Variants in UGT1A4 observed in about 807,000 individuals in gnomAD.
UGT1A4 encodes UDP-glucuronosyltransferase 1A4.
In UGT1A4, 32 loss-of-function variants were observed where a neutral mutation model predicts 41.1. That is an observed-to-expected ratio of 0.78 (90% CI 0.59 to 1.05). The LOEUF (loss-of-function observed/expected upper bound fraction) is 1.05. UGT1A4 is among the 50% of genes least tolerant of loss of function. The probability of loss-of-function intolerance (pLI) is 0.00; values close to 1 mark genes in which losing one functional copy is unlikely to be tolerated. For synonymous variants in UGT1A4, 283 were observed against 265.1 expected (o/e 1.07, Z -0.66); for missense variants, 748 against 677.4 (o/e 1.10, Z -1.16).
At chr2:233,766,273 TGGCCCGGGCTCG>T (rs1203864514) in intron 1 of UGT1A4, among the ~76,000 whole-genome samples, 2 of 151,808 alleles carry the variant, frequency 1.3e-5, no homozygotes, top group Non-Finnish European at 2.9e-5. Context: ...CCGGGCTCGG[TGGCCCGGGCTCG>T]GTGGCCTGGG....
chr2:233,747,676 A>G (rs1559392611), intron 1 of UGT1A4: 10 of 1,605,156 alleles, frequency 6.2e-6, no homozygotes, highest in Non-Finnish European at 8.5e-6. Flanking sequence ...GACCCAATTT[A>G]CCTCTGTGGG....
intron 1 of UGT1A4, among the ~76,000 whole-genome samples, chr2:233,726,402 T>A (rs1404707610): frequency 6.6e-6 from 1 of 152,206 alleles, no homozygotes; most frequent in Non-Finnish European, 1.5e-5. Flanking sequence ...AGTCTTTTGA[T>A]GTCAGCATTC....
rs1559392013 is a variant in UGT1A4 at position 233,747,291 on chromosome 2, T to C, written c.868-19743T>C. The C allele has an allele frequency of 3.1e-6, 5 of 1,600,838 alleles. No individual in the cohort carries two copies. In the African/African-American group the frequency reaches 4.0e-5, roughly 13 times the overall value. On this transcript the variant is annotated intron_variant, in intron 1 of 4. Transcript: ENST00000373409. ...TCCTTCTCAGTGCCCAGCCCTGGGCTGAGAGTGGGAAGGTGCTGGTGGTAC... is the reference window on the plus strand; with the variant it reads ...TCCTTCTCAGTGCCCAGCCCTGGGCCGAGAGTGGGAAGGTGCTGGTGGTAC...
intron 1 of UGT1A4, chr2:233,729,571 G>T (rs965988508): frequency 1.2e-6 from 2 of 1,614,100 alleles, no homozygotes; most frequent in Non-Finnish European, 1.7e-6. Flanking sequence ...CTTTGATGTG[G>T]TTTTAACAGA....
intron 1 of UGT1A4, among the ~76,000 whole-genome samples, chr2:233,744,545 T>A (rs1042010726): frequency 6.6e-6 from 1 of 151,936 alleles, no homozygotes; most frequent in Non-Finnish European, 1.5e-5. Context: ...TAAATTTTAT[T>A]AAGACAAAAT....
Position 233,750,958 on chromosome 2 carries a change from G to T in UGT1A4, c.868-16076G>T, listed in dbSNP as rs922419338. 9.9e-5 allele frequency among the ~76,000 whole-genome samples: 15 copies of T among 151,802 alleles called. 1 individual carries two copies. The highest frequency in any genetic ancestry group is 3.6e-4 in the African/African-American group (15 of 41,098). On this transcript the variant is annotated intron_variant, in intron 1 of 4. Transcript: ENST00000373409. ...GAGCCCCCACACAGAGTCTCCACTG[G>T]GGCACTGCCTAGTGGAGTTGTGAGA...
chr2:233,760,174 G>A (rs1178243322), intron 1 of UGT1A4: 18 of 1,539,292 alleles, frequency 1.2e-5, no homozygotes, highest in Non-Finnish European at 1.5e-5. Flanking sequence ...TGGACTGACA[G>A]CTTTTTATAG....
chr2:233,768,334 A>G lies in UGT1A4; in HGVS notation c.1202A>G (p.Asn401Ser). 6.2e-7 allele frequency: 1 copy of G among 1,614,208 alleles called. No homozygotes were observed. The highest frequency in any genetic ancestry group is 8.5e-7 in the Non-Finnish European group (1 of 1,180,040). Reference protein sequence around the residue: ...MMPLFGDQMDNAKRMETKGAG... With the variant: ...MMPLFGDQMDSAKRMETKGAG... ...CCCTTGTTTGGTGATCAGATGGACA[A>G]TGCAAAGCGCATGGAGACTAAGGGA... The change falls in exon 4 of 5, where the codon AAT becomes AGT. Residue 401 changes from asparagine (N) to serine (S), a missense_variant. Physicochemically the swap from Asn to Ser is conservative, Grantham distance 46. Transcript: ENST00000373409.
chr2:233,743,747 G>A (rs370175895), intron 1 of UGT1A4: 9 of 1,367,226 alleles, frequency 6.6e-6, no homozygotes, highest in African/African-American at 1.5e-5. Flanking sequence ...CTTGGCGTCC[G>A]ACAACACCTC....
At chr2:233,761,149 C>G (rs1575779799) in intron 1 of UGT1A4, 1 of 1,614,176 alleles carries the variant, frequency 6.2e-7, no homozygotes, top group East Asian at 2.2e-5. Context: ...TCCACTATCC[C>G]AGGTGTGTAT....
At chr2:233,761,970 T>C (rs1029002470) in intron 1 of UGT1A4, among the ~76,000 whole-genome samples, 6 of 152,224 alleles carry the variant, frequency 3.9e-5, no homozygotes, top group Non-Finnish European at 8.8e-5. Context: ...GGGACTGATA[T>C]CACCTTCGGA....
chr2:233,750,115 A>G (rs996940371), intron 1 of UGT1A4, among the ~76,000 whole-genome samples: 2 of 151,884 alleles, frequency 1.3e-5, no homozygotes, highest in Non-Finnish European at 1.5e-5. Context: ...AGAAGACAGG[A>G]AGATGTGGGA....
intron 1 of UGT1A4, chr2:233,744,035 C>T (rs367793428): frequency 5.3e-5 from 42 of 799,694 alleles, no homozygotes; most frequent in Admixed American, 1.0e-4. Flanking sequence ...CCCCTTATGA[C>T]GCAGCCACAT....
chr2:233,735,469 G>T (rs1476007711), intron 1 of UGT1A4, among the ~76,000 whole-genome samples: 1 of 152,020 alleles, frequency 6.6e-6, no homozygotes, highest in African/African-American at 2.4e-5. Context: ...TATCCAATTT[G>T]CCAGTCTGTG....
At position 233,754,981 on chromosome 2, in the gene UGT1A4, C is replaced by T. The variant is rs561889596; in HGVS notation, c.868-12053C>T. On this transcript the variant is annotated intron_variant, in intron 1 of 4. Transcript: ENST00000373409. The stretch of plus-strand genomic sequence containing the variant: ...CCAAAGAACTCCCTGAAGACCTCGG[C>T]GGGGTCACGGAAGCTGAAGACCTAC... 29 of 1,295,892 alleles carry T rather than the reference C, an allele frequency of 2.2e-5. No homozygotes were observed. In the African/African-American group the frequency reaches 3.3e-4, roughly 15 times the overall value. The allele number at this position is 1,295,892 out of a possible 1,614,324, so 80.3% of individuals were successfully genotyped here.
chr2:233,740,862 C>G (rs1413429391), intron 1 of UGT1A4: 1 of 151,810 alleles, frequency 6.6e-6, no homozygotes, highest in African/African-American at 2.4e-5. Flanking sequence ...TCTAAAAATT[C>G]TTTAAATAAA....
chr2:233,756,486 T>G (rs1239866709), intron 1 of UGT1A4: 1 of 152,220 alleles, frequency 6.6e-6, no homozygotes, highest in East Asian at 1.9e-4. Context: ...TCTGCAGATG[T>G]GAAGCCCAAG....
At chr2:233,743,553 T>TA in intron 1 of UGT1A4, 1 of 1,367,178 alleles carries the variant, frequency 7.3e-7, no homozygotes, top group Non-Finnish European at 9.8e-7. Context: ...CCCCCCAAAA[T>TA]ATTCTCCAGC....
Position 233,754,852 on chromosome 2 carries a change from G to C in UGT1A4, c.868-12182G>C, listed in dbSNP as rs193246215. The C allele has an allele frequency of 1.8e-5, 24 of 1,345,428 alleles. No homozygotes were observed. In the Middle Eastern group the frequency reaches 8.4e-4, roughly 47 times the overall value. The allele number at this position is 1,345,428 out of a possible 1,614,324, so 83.3% of individuals were successfully genotyped here. ...GGAAATTCACTGAAGGCAGAGAAAA[G>C]GGGTGCAGACCCTCTGCTTCTGCTT... On this transcript the variant is annotated intron_variant, in intron 1 of 4. Coordinates refer to ENST00000373409, the MANE Select transcript of UGT1A4 (RefSeq NM_007120.3).
Sources: allele counts gnomAD v4.1 joint callset (sites outside exome capture counted in the v4.1 genomes callset), GRCh38; gene constraint gnomAD v4.1.1; transcripts MANE v1.5; gene names NCBI Gene and HGNC (gene_info 2026-07-23, HGNC 2026-07-21).